Variants in PTBP1 observed in about 807,000 individuals in gnomAD.
PTBP1 encodes polypyrimidine tract-binding protein 1.
In PTBP1, 8 loss-of-function variants were observed where a neutral mutation model predicts 59.8. That is an observed-to-expected ratio of 0.13 (90% confidence interval 0.08 to 0.24). The LOEUF (loss-of-function observed/expected upper bound fraction) is 0.24. PTBP1 is among the 10% of genes least tolerant of loss of function. The pLI, the probability that PTBP1 is intolerant of heterozygous loss-of-function variation, is 1.00. For missense variants in PTBP1, 686 were observed against 767.0 expected (o/e 0.89, Z 1.25); for synonymous variants, 490 against 320.7 (o/e 1.53, Z -5.64).
chr19:806,641 C>G, intron 10 of PTBP1, 85 bp downstream of exon 10: 1 of 1,303,628 alleles, frequency 7.7e-7, no homozygotes, highest in Non-Finnish European at 1.0e-6. Flanking sequence ...CCCGGAGCAG[C>G]GCCGCCCCTC....
chr19:806,993 G>A (rs2034612264), intron 10 of PTBP1: 1 of 156,612 alleles, frequency 6.4e-6, no homozygotes, highest in South Asian at 2.0e-4. Flanking sequence ...TCCCCTCGGG[G>A]AGAGCTTGGG....
chr19:806,320 C>G (rs1486870447), intron 9 of PTBP1, 88 bp from the exon 10 acceptor site: 15 of 1,396,110 alleles, frequency 1.1e-5, no homozygotes, highest in Non-Finnish European at 1.4e-5. Context: ...CTCGGCTCCT[C>G]GGTGCATGAG....
At chr19:797,765 G>C (rs1289255943) in intron 1 of PTBP1, among the ~76,000 whole-genome samples, 1 of 144,706 alleles carries the variant, frequency 6.9e-6, no homozygotes, top group African/African-American at 2.5e-5. Flanking sequence ...GGCCTCCCGC[G>C]CCCCTCCCCC....
rs1247562222 is a variant in PTBP1, at chr19:804,075, G to A, written c.155G>A (p.Arg52Gln). The change falls in exon 4 of 15, where the codon CGA (arginine) becomes CAA (glutamine). Residue 52 changes from arginine (R) to glutamine (Q), a missense_variant. Arg to Gln is a conservative substitution (Grantham distance 43). Transcript: ENST00000356948. ...NDSKKFKGDSRSAGVPSRVIH... is the reference protein window; with the variant it reads ...NDSKKFKGDSQSAGVPSRVIH... ...AGCAAGAAGTTCAAAGGTGACAGCC[G>A]AAGTGCAGGCGTCCCCTCTAGAGTG... 6 of 1,613,892 alleles carry A rather than the reference G, an allele frequency of 3.7e-6. No individual in the cohort carries two copies. The highest frequency in any genetic ancestry group is 1.7e-5 in the Admixed American group (1 of 59,984).
intron 8 of PTBP1, 30 bp downstream of exon 8, chr19:805,217 T>C (rs1343471827): frequency 1.9e-6 from 3 of 1,610,094 alleles, no homozygotes; most frequent in East Asian, 4.5e-5. Context: ...GGCGCCAGTG[T>C]GCAGAGTGGT....
chr19:806,770 T>C, intron 10 of PTBP1: 2 of 488,260 alleles, frequency 4.1e-6, no homozygotes, highest in Non-Finnish European at 3.5e-6. Flanking sequence ...CGTTTTCTCT[T>C]GCATGATACG....
chr19:808,088 C>A lies in PTBP1; in HGVS notation c.1153+186C>A. The A allele has an allele frequency of 1.5e-6, 1 of 653,932 alleles. No homozygotes were observed. 40.5% of individuals were successfully genotyped at this position (653,932 alleles called of 1,614,324 possible). A position where few individuals can be genotyped will look rare whatever the true frequency, so the allele number is the denominator to read the frequency against. ...TAGATACGTACGCATGGTTTATCGC[C>A]CTGCATGCTTTTCAGAGTTAGACCT... On this transcript the variant is annotated intron_variant, in intron 11 of 14. Coordinates refer to ENST00000356948, the MANE Select transcript of PTBP1 (RefSeq NM_002819.5). This position sits in a 1 kb window ranked among gnomAD's most constrained non-coding sequence, Gnocchi z 4.7.
chr19:809,482 G>A (rs960482694), intron 13 of PTBP1, among the ~76,000 whole-genome samples: 4 of 151,538 alleles, frequency 2.6e-5, no homozygotes, highest in Admixed American at 1.3e-4. Context: ...CAGCACGCCC[G>A]GCTAATTTTT....
intron 2 of PTBP1, among the ~76,000 whole-genome samples, chr19:803,246 A>G (rs1194049335): frequency 6.6e-6 from 1 of 152,196 alleles, no homozygotes; most frequent in African/African-American, 2.4e-5. Context: ...CCACGTCCAC[A>G]GCAGAGTTGG....
intron 11 of PTBP1, 88 bp downstream of exon 11, chr19:807,990 G>A (rs2034657211): frequency 8.0e-7 from 1 of 1,256,562 alleles, no homozygotes; most frequent in South Asian, 1.2e-5. Context: ...TTTGCGGTTT[G>A]GCACTCTGAT....
chr19:801,278 T>C (rs1024564935), intron 2 of PTBP1, among the ~76,000 whole-genome samples: 3 of 152,214 alleles, frequency 2.0e-5, no homozygotes, highest in Admixed American at 1.3e-4. Flanking sequence ...GCCCAGCTCG[T>C]GTCTCCTGGT....
At chr19:806,317 C>G in intron 9 of PTBP1, 91 bp from the exon 10 acceptor site, 1 of 1,392,012 alleles carries the variant, frequency 7.2e-7, no homozygotes, top group Non-Finnish European at 9.4e-7. Flanking sequence ...CGGCTCGGCT[C>G]CTCGGTGCAT....
intron 2 of PTBP1, among the ~76,000 whole-genome samples, chr19:802,488 CT>C (rs1476184231): frequency 6.6e-6 from 1 of 151,982 alleles, no homozygotes; most frequent in African/African-American, 2.4e-5. Context: ...TCCACTGGTT[CT>C]TTCTGATGCG....
In PTBP1 at chr19:810,531, C is replaced by G. The variant is rs920451752; in HGVS notation, c.1464-12C>G. On this transcript the variant is annotated splice_polypyrimidine_tract_variant and intron_variant, in intron 13 of 14. Transcript: ENST00000356948. ...CACGCGGCCCCAGGCTCACGCCTTT[C>G]TCCTCCCACAGGCCCTCAGTCTCCG... 5.0e-6 allele frequency: 8 copies of G among 1,611,846 alleles called. No homozygotes were observed. The Admixed American group carries it at 1.0e-4, about 20-fold the overall frequency.
chr19:799,865 C>A (rs1030421379), intron 2 of PTBP1, among the ~76,000 whole-genome samples: 1 of 152,126 alleles, frequency 6.6e-6, no homozygotes, highest in Middle Eastern at 3.2e-3. Context: ...AGAATCCAGC[C>A]TATTTGAGTG....
chr19:803,320 G>A (rs545749185), intron 2 of PTBP1, among the ~76,000 whole-genome samples: 2 of 152,362 alleles, frequency 1.3e-5, no homozygotes, highest in African/African-American at 2.4e-5. Context: ...CACTGGCTGA[G>A]TACCCAGGGC....
rs374355031 is a variant in PTBP1, at chr19:797,456, C to A, written c.-42C>A. 1.9e-6 allele frequency: 3 copies of A among 1,599,742 alleles called. No homozygotes were observed. Among genetic ancestry groups the A allele is most frequent in the African/African-American group, 2.7e-5 (2 of 73,662 alleles). On this transcript the variant is annotated 5_prime_UTR_variant, in exon 1 of 15. Coordinates refer to ENST00000356948, the MANE Select transcript of PTBP1 (RefSeq NM_002819.5). ...GCCGTTGGGTCGGTTCCTGCTATTC[C>A]GGCGCCTCCACTCCGTCCCCCGCGG...
rs1249541170 is a variant in PTBP1 at position 811,289 on chromosome 19, GGCGGCCGCGGCT to G, written c.*467_*478del. 6.5e-6 allele frequency: 1 copy of G among 152,990 alleles called. No homozygotes were observed. The highest frequency in any genetic ancestry group is 1.9e-4 in the East Asian group (1 of 5,216). 9.5% of individuals were successfully genotyped at this position (152,990 alleles called of 1,614,324 possible). On this transcript the variant is annotated 3_prime_UTR_variant, in exon 15 of 15. Transcript: ENST00000356948. The stretch of plus-strand genomic sequence containing the variant: ...CTGCAGGATCATGCAGCTGGGGCGC[GGCGGCCGCGGCT>G]GCGACACCCCAACCCCAGCCCTCTA...
chr19:810,449 T>A (rs1236450631), intron 13 of PTBP1, 94 bp from the exon 14 acceptor site: 2 of 1,060,472 alleles, frequency 1.9e-6, no homozygotes, highest in Non-Finnish European at 1.4e-6. Context: ...CTTCCCCGGC[T>A]ACTCTGAAAA....
Sources: gnomAD v4.1 joint callset for allele counts (sites outside exome capture counted in the v4.1 genomes callset) on GRCh38, gnomAD v4.1.1 for gene constraint, Gnocchi (gnomAD v3.1) non-coding constraint, MANE v1.5 for transcripts, NCBI Gene and HGNC (gene_info 2026-07-23, HGNC 2026-07-21) for gene names.